CYP4A22: variants seen among roughly 807,000 people sequenced by gnomAD.
CYP4A22 encodes cytochrome P450 family 4 subfamily A member 22.
CYP4A22 carries 46 observed loss-of-function variants against 56.2 expected under a neutral mutation model. The ratio of observed to expected loss-of-function variants is 0.82; its 90% CI spans 0.65 to 1.05. The LOEUF (loss-of-function observed/expected upper bound fraction) is 1.05, where lower values mean the gene tolerates loss of function less well. Ranked by LOEUF, CYP4A22 falls within the 50% of genes least tolerant of loss-of-function variation. The probability of loss-of-function intolerance (pLI) is 0.00; values close to 1 mark genes in which losing one functional copy is unlikely to be tolerated. For missense variants in CYP4A22, 541 were observed against 645.9 expected, an observed-to-expected ratio of 0.84 and a Z score of 1.76; for synonymous variants, 193 against 251.1, an observed-to-expected ratio of 0.77 and a Z score of 2.19.
rs367813368 is a variant in CYP4A22 at position 47,144,765 on chromosome 1, G to A, written c.1088+25G>A. 12 of 1,612,316 alleles carry A rather than the reference G, an allele frequency of 7.4e-6. No homozygotes were observed. The Admixed American group carries it at 1.0e-4, about 13-fold the overall frequency. ...GGTGAGTGAGGGCTCAAAAGATGGG[G>A]TTCCCTGCCTTCTCCACAGGGGCCC... On this transcript the variant is annotated intron_variant, in intron 8 of 11. Transcript: ENST00000371891.
At chr1:47,142,963 CA>C (rs763233095) in intron 4 of CYP4A22, among the ~76,000 whole-genome samples, 2 of 152,206 alleles carry the variant, frequency 1.3e-5, no homozygotes, top group Non-Finnish European at 2.9e-5. Context: ...ACAACAATAA[CA>C]ACAAAATTTT....
At chr1:47,148,355 C>T (rs1645097236) in intron 11 of CYP4A22, among the ~76,000 whole-genome samples, 1 of 152,212 alleles carries the variant, frequency 6.6e-6, no homozygotes, top group South Asian at 2.1e-4. Flanking sequence ...GGGTTTCAGG[C>T]TGCTGAGAGC....
intron 9 of CYP4A22, among the ~76,000 whole-genome samples, chr1:47,145,283 T>C (rs1645063976): frequency 1.3e-5 from 2 of 152,142 alleles, no homozygotes; most frequent in Non-Finnish European, 2.9e-5. Flanking sequence ...TCTTTCCTCA[T>C]GGGGTCAGTG....
intron 1 of CYP4A22, among the ~76,000 whole-genome samples, chr1:47,137,913 A>T (rs1367283476): frequency 6.6e-6 from 1 of 152,064 alleles, no homozygotes; most frequent in Non-Finnish European, 1.5e-5. Flanking sequence ...TTCTGCAGAT[A>T]TCAAGTGTGT....
At chr1:47,147,343 C>G (rs962123513) in intron 11 of CYP4A22, 2 of 984,914 alleles carry the variant, frequency 2.0e-6, no homozygotes, top group African/African-American at 3.5e-5. Flanking sequence ...CAGTGTATTT[C>G]ATTCTATTTT....
intron 1 of CYP4A22, among the ~76,000 whole-genome samples, chr1:47,138,971 C>G (rs1337471839): frequency 6.6e-6 from 1 of 152,218 alleles, no homozygotes; most frequent in Non-Finnish European, 1.5e-5. Context: ...GCAAAGGAGG[C>G]AACATAGTTC....
intron 3 of CYP4A22, 51 bp from the exon 4 acceptor site, chr1:47,142,057 G>A (rs1235490812): frequency 1.3e-6 from 2 of 1,568,790 alleles, no homozygotes; most frequent in African/African-American, 2.7e-5. Flanking sequence ...TCATCCCTAG[G>A]TCCGTGCAGC....
In CYP4A22 at chr1:47,145,924, C is replaced by T; in HGVS notation, c.1281C>T (p.Asn427=). ...GLHHNPKVWP[N]LEVFDPSRFA... is the part of the protein sequence containing the mutation. ...ACCACAACCCAAAAGTGTGGCCCAA[C>T]CTAGAGGTATGTGGTCCTTGAGAGG... The change falls in exon 10 of 12, where the codon AAC becomes AAT. Residue 427 remains asparagine (N), a synonymous_variant. Coordinates refer to ENST00000371891, the MANE Select transcript of CYP4A22 (RefSeq NM_001010969.4). 1 of 1,614,118 alleles carries T rather than the reference C, an allele frequency of 6.2e-7. No homozygotes were observed. The highest frequency in any genetic ancestry group is 8.5e-7 in the Non-Finnish European group (1 of 1,180,010).
At chr1:47,146,921 AAAGCCC>A (rs1171069096) in intron 11 of CYP4A22, 1 of 985,346 alleles carries the variant, frequency 1.0e-6, no homozygotes, top group African/African-American at 1.7e-5. Flanking sequence ...CTTGGAGAGA[AAAGCCC>A]AATAATTATC....
Position 47,144,446 on chromosome 1 carries a change from A to T in CYP4A22, c.880A>T (p.Ile294Phe). 4 of 1,614,010 alleles carry T rather than the reference A, an allele frequency of 2.5e-6. No individual in the cohort carries two copies. The highest frequency in any genetic ancestry group is 3.4e-6 in the Non-Finnish European group (4 of 1,179,858). Residue 294 changes from isoleucine to phenylalanine, a missense_variant, in exon 7 of 12, where the codon ATC becomes TTC. This residue lies in a region of CYP4A22 where 335 missense variants were observed against 361.2 expected (regional missense o/e 0.93). Coordinates refer to ENST00000371891, the MANE Select transcript of CYP4A22 (RefSeq NM_001010969.4). ...GAAGAGGCACTTGGATTTTCTGGAC[A>T]TCCTCCTCTTGGCCAAAGTGAGTAT... Reference protein sequence around the residue: ...KRKRHLDFLDILLLAKMENGS... With the variant: ...KRKRHLDFLDFLLLAKMENGS...
In CYP4A22 at chr1:47,149,032, G is replaced by A. The variant is rs1357963073; in HGVS notation, c.*235G>A. 4.2e-6 allele frequency: 2 copies of A among 480,482 alleles called. No homozygotes were observed. The highest frequency in any genetic ancestry group is 7.1e-6 in the Non-Finnish European group (2 of 280,732). 29.8% of individuals were successfully genotyped at this position (480,482 alleles called of 1,614,324 possible). ...AAGCTGAGTGTTGGGAGAAGCTGAGGCCGAGCTTGCATGTCTGACATAATG... is the reference window on the plus strand; with the variant it reads ...AAGCTGAGTGTTGGGAGAAGCTGAGACCGAGCTTGCATGTCTGACATAATG... On this transcript the variant is annotated 3_prime_UTR_variant, in exon 12 of 12. Coordinates refer to ENST00000371891, the MANE Select transcript of CYP4A22 (RefSeq NM_001010969.4).
intron 11 of CYP4A22, chr1:47,147,094 A>T (rs1372626453): frequency 6.1e-6 from 6 of 985,366 alleles, no homozygotes; most frequent in African/African-American, 1.7e-5. Context: ...AAAAATGATA[A>T]AAATTCTTAG....
intron 11 of CYP4A22, chr1:47,146,960 C>T: frequency 1.0e-6 from 1 of 985,412 alleles, no homozygotes; most frequent in Non-Finnish European, 1.2e-6. Context: ...ACATTTGAAG[C>T]CTCCTGGTAT....
intron 4 of CYP4A22, 33 bp downstream of exon 4, chr1:47,142,268 C>T (rs757897972): frequency 2.6e-5 from 40 of 1,561,838 alleles, no homozygotes; most frequent in Admixed American, 5.5e-5. Context: ...TCCCCACACC[C>T]ACTCACAGCA....
At position 47,137,507 on chromosome 1, in the gene CYP4A22, C is replaced by A. The variant is rs546712111; in HGVS notation, c.22C>A (p.Pro8Thr). MSVSVLS[P>T]SRRLGGVSGI... Reference sequence around the variant, plus strand: ...CACCATGAGTGTCTCTGTCCTGAGCCCCAGCAGACGCCTGGGTGGTGTCTC... The same window carrying A: ...CACCATGAGTGTCTCTGTCCTGAGCACCAGCAGACGCCTGGGTGGTGTCTC... The change falls in exon 1 of 12, where the codon CCC becomes ACC. Residue 8 changes from proline (P) to threonine (T), a missense_variant. Physicochemically the swap from Pro to Thr is conservative, Grantham distance 38. Transcript: ENST00000371891. 1.2e-6 allele frequency: 2 copies of A among 1,613,638 alleles called. No homozygotes were observed. Among genetic ancestry groups the A allele is most frequent in the Non-Finnish European group, 1.7e-6 (2 of 1,179,672 alleles).
At chr1:47,146,924 G>T in intron 11 of CYP4A22, 1 of 985,382 alleles carries the variant, frequency 1.0e-6, no homozygotes, top group Non-Finnish European at 1.2e-6. Context: ...GGAGAGAAAA[G>T]CCCAATAATT....
chr1:47,142,527 A>T (rs1645023941), intron 4 of CYP4A22, among the ~76,000 whole-genome samples: 1 of 152,224 alleles, frequency 6.6e-6, no homozygotes, highest in African/African-American at 2.4e-5. Context: ...CTGGAGGCAT[A>T]TGCAATCTTG....
At chr1:47,147,273 C>T (rs1459357635) in intron 11 of CYP4A22, 12 of 985,326 alleles carry the variant, frequency 1.2e-5, no homozygotes, top group African/African-American at 1.7e-5. Context: ...GTCGCTGCCA[C>T]TAGAGAACCG....
chr1:47,144,100 A>G (rs1003427941), intron 6 of CYP4A22, among the ~76,000 whole-genome samples, 184 bp downstream of exon 6: 2 of 152,198 alleles, frequency 1.3e-5, no homozygotes, highest in Admixed American at 6.5e-5. Context: ...GCCTTGGTTT[A>G]TCAATGTCCC....
Sources: allele counts gnomAD v4.1 joint callset (sites outside exome capture counted in the v4.1 genomes callset), GRCh38; gene constraint gnomAD v4.1.1; regional missense constraint gnomAD v4.1.1; transcripts MANE v1.5; gene names NCBI Gene and HGNC (gene_info 2026-07-23, HGNC 2026-07-21).